Variants in TPCN2 observed in about 807,000 individuals in gnomAD.
The protein encoded by TPCN2 is two pore channel protein 2.
Under a neutral mutation model 111.4 loss-of-function variants are expected in TPCN2, and 92 were observed. The observed-to-expected ratio is 0.83, with a 90% CI of 0.70 to 0.98. TPCN2 has a LOEUF of 0.98. Among genes scored for constraint, TPCN2 ranks in the 50% least tolerant of loss-of-function variants. The pLI is 0.00. For missense variants in TPCN2, 995 were observed against 980.1 expected (o/e 1.02, Z -0.20); for synonymous variants, 405 against 414.5 (o/e 0.98, Z 0.28).
intron 8 of TPCN2, among the ~76,000 whole-genome samples, chr11:69,068,012 G>C (rs1379867991): frequency 6.6e-6 from 1 of 152,136 alleles, no homozygotes; most frequent in African/African-American, 2.4e-5. Flanking sequence ...ACACATCCAC[G>C]CTGCGGTTGC....
intron 5 of TPCN2, among the ~76,000 whole-genome samples, chr11:69,062,391 T>A (rs542694218): frequency 6.7e-6 from 1 of 149,916 alleles, no homozygotes; most frequent in Non-Finnish European, 1.5e-5. Context: ...AGTGTGGGGG[T>A]GTGGAGGTGG....
At chr11:69,074,140 C>T (rs748851225) in intron 13 of TPCN2, among the ~76,000 whole-genome samples, 10 of 152,236 alleles carry the variant, frequency 6.6e-5, no homozygotes, top group Admixed American at 5.2e-4. Context: ...GATTCCTTGT[C>T]GGCCCCTGTG....
intron 23 of TPCN2, among the ~76,000 whole-genome samples, chr11:69,086,891 C>CTGCTGGGGCCT (rs1856303725): frequency 6.6e-6 from 1 of 151,986 alleles, no homozygotes. Context: ...GACATCTGGG[C>CTGCTGGGGCCT]TGTGGGGATT....
chr11:69,057,248 T>C (rs73514484), intron 4 of TPCN2, among the ~76,000 whole-genome samples: 11,150 of 152,280 alleles, frequency 0.073, 1,412 homozygotes, highest in African/African-American at 0.25. Context: ...AGCTGGTATT[T>C]TTCTAGCCTT....
At chr11:69,087,352 G>T in intron 24 of TPCN2, 146 bp downstream of exon 24, 2 of 688,454 alleles carry the variant, frequency 2.9e-6, no homozygotes, top group Non-Finnish European at 4.9e-6. Flanking sequence ...TGTGCTCTAG[G>T]AGAGCAGCTC....
intron 7 of TPCN2, among the ~76,000 whole-genome samples, chr11:69,065,921 G>A (rs1297710415): frequency 6.6e-6 from 1 of 152,172 alleles, no homozygotes; most frequent in Admixed American, 6.5e-5. Context: ...CAGAGCTGTG[G>A]CTTGGGCTGG....
chr11:69,060,562 C>G (rs1854976117), intron 5 of TPCN2, among the ~76,000 whole-genome samples: 1 of 152,172 alleles, frequency 6.6e-6, no homozygotes, highest in South Asian at 2.1e-4. Context: ...TCTGAGGGTC[C>G]CAGGGGCTTG....
At position 69,083,889 on chromosome 11, in the gene TPCN2, G is replaced by T. The variant is rs992150824; in HGVS notation, c.1690-56G>T. ...AGGGTCAGCGTGGTGGGCCGGGATG[G>T]TGTCCCCTCAGTGGGGCCAGGAGGA... On this transcript the variant is annotated intron_variant, in intron 18 of 24. Coordinates refer to ENST00000294309, the MANE Select transcript of TPCN2 (RefSeq NM_139075.4). The T allele has an allele frequency of 2.6e-6, 4 of 1,546,880 alleles. No homozygotes were observed. The African/African-American group carries it at 4.1e-5, about 16-fold the overall frequency.
chr11:69,049,258 C>A, intron 1 of TPCN2, 152 bp downstream of exon 1: 1 of 464,084 alleles, frequency 2.2e-6, no homozygotes, highest in Non-Finnish European at 3.5e-6. Flanking sequence ...GCCAGGCGAG[C>A]CGGTGTTCTG....
intron 16 of TPCN2, chr11:69,079,481 C>T: frequency 3.4e-6 from 1 of 295,488 alleles, no homozygotes; most frequent in South Asian, 6.2e-5. Flanking sequence ...GTGTGTGTGT[C>T]ACAAGCAGCC....
At chr11:69,052,998 G>A (rs1861299570) in intron 1 of TPCN2, among the ~76,000 whole-genome samples, 1 of 152,238 alleles carries the variant, frequency 6.6e-6, no homozygotes, top group Non-Finnish European at 1.5e-5. Context: ...GCTCTGCAGC[G>A]AGGCCAGAGG....
intron 13 of TPCN2, among the ~76,000 whole-genome samples, chr11:69,077,772 G>A (rs1246435179): frequency 6.6e-6 from 1 of 152,218 alleles, no homozygotes; most frequent in Non-Finnish European, 1.5e-5. Flanking sequence ...GGGGGGATGA[G>A]CTGTAGCCAC....
chr11:69,072,835 G>A, intron 12 of TPCN2, 80 bp from the exon 13 acceptor site: 1 of 1,522,856 alleles, frequency 6.6e-7, no homozygotes, highest in Non-Finnish European at 9.1e-7. Flanking sequence ...GTCAGGGTGG[G>A]GTTGGGGCTG....
rs1261849066 is a variant in TPCN2 at position 69,067,604 on chromosome 11, T to C, written c.828T>C (p.Asp276=). The change falls in exon 8 of 25, where the codon GAT becomes GAC. Residue 276 remains aspartate, a splice_region_variant and synonymous_variant. Transcript: ENST00000294309. ...LVLLTTANNP[D]VMIPAYSKNR... ...TGCTGACCACGGCCAACAACCCCGA[T>C]GGTGCGTGCAGGGCCAGGGAGGGAC... The C allele has an allele frequency of 6.2e-7, 1 of 1,613,640 alleles. No homozygotes were observed. The highest frequency in any genetic ancestry group is 2.2e-5 in the East Asian group (1 of 44,860).
intron 13 of TPCN2, among the ~76,000 whole-genome samples, chr11:69,076,976 CAT>C (rs1855798295): frequency 9.5e-6 from 1 of 105,130 alleles, no homozygotes. Flanking sequence ...GCCCTCCTGC[CAT>C]GTCCCTCCAC....
chr11:69,075,433 A>G (rs2034689), intron 13 of TPCN2, among the ~76,000 whole-genome samples: 143,407 of 152,260 alleles, frequency 0.94, 67,932 homozygotes, highest in Non-Finnish European at 1. Flanking sequence ...CTAGGAATGC[A>G]GTGGGAGTTT....
In TPCN2 at chr11:69,086,612, A is replaced by G. The variant is rs1590756580; in HGVS notation, c.2085+8A>G. 2 of 1,613,014 alleles carry G rather than the reference A, an allele frequency of 1.2e-6. No individual in the cohort carries two copies. Among genetic ancestry groups the G allele is most frequent in the East Asian group, 4.5e-5 (2 of 44,860 alleles). ...CTGGCCCTGATTCTGGAGGTATCAG[A>G]GATCCCCACCCAGGCTGTTCTCCAT... On this transcript the variant is annotated splice_region_variant and intron_variant, in intron 23 of 24. Transcript: ENST00000294309.
intron 5 of TPCN2, among the ~76,000 whole-genome samples, chr11:69,060,564 A>G (rs983996532): frequency 6.6e-6 from 1 of 152,158 alleles, no homozygotes; most frequent in African/African-American, 2.4e-5. Flanking sequence ...TGAGGGTCCC[A>G]GGGGCTTGAC....
At chr11:69,049,129 G>T in intron 1 of TPCN2, 23 bp downstream of exon 1, 1 of 1,223,900 alleles carries the variant, frequency 8.2e-7, no homozygotes, top group Non-Finnish European at 1.0e-6. Context: ...GACCTGGGGA[G>T]GGGACTGGCC....
Sources: allele counts gnomAD v4.1 joint callset (sites outside exome capture counted in the v4.1 genomes callset), GRCh38; gene constraint gnomAD v4.1.1; transcripts MANE v1.5; gene names NCBI Gene and HGNC (gene_info 2026-07-23, HGNC 2026-07-21).